The following TIE1 variants were observed in gnomAD, a reference collection of about 807,000 sequenced individuals.
TIE1 encodes tyrosine-protein kinase receptor Tie-1.
Under a neutral mutation model 130.5 loss-of-function variants are expected in TIE1, and 89 were observed. The observed-to-expected ratio is 0.68, with a 90% CI of 0.57 to 0.81. The LOEUF (loss-of-function observed/expected upper bound fraction) is 0.81, where lower values mean the gene tolerates loss of function less well. Among genes scored for constraint, TIE1 ranks in the 40% least tolerant of loss-of-function variants. The pLI is 0.00. For missense variants in TIE1, 1,392 were observed against 1,559.8 expected, an observed-to-expected ratio of 0.89 and a Z score of 1.81; for synonymous variants, 568 against 629.4, an observed-to-expected ratio of 0.90 and a Z score of 1.46.
rs1393630128 is a variant in TIE1, at chr1:43,321,232, G to A, written c.3108-37G>A. ...AGAAGCTAAACTGCTAGGGACCAGG[G>A]CCTAGAAGGTAACTAAGTGCATCCT... On this transcript the variant is annotated intron_variant, in intron 19 of 22. Transcript: ENST00000372476. 11 of 1,612,348 alleles carry A rather than the reference G, an allele frequency of 6.8e-6. No homozygotes were observed. In the South Asian group the frequency reaches 1.1e-4, roughly 16 times the overall value.
intron 19 of TIE1, chr1:43,320,002 C>T (rs1646897975): frequency 9.5e-6 from 2 of 210,710 alleles, no homozygotes; most frequent in South Asian, 1.6e-4. Context: ...CCATCTTGAT[C>T]TGAACCTACC....
rs755908498 is a variant in TIE1 at position 43,317,269 on chromosome 1, A to T, written c.2480A>T (p.Glu827Val). 1 of 1,614,082 alleles carries T rather than the reference A, an allele frequency of 6.2e-7. No individual in the cohort carries two copies. Among genetic ancestry groups the T allele is most frequent in the South Asian group, 1.1e-5 (1 of 91,078 alleles). Reference sequence around the variant, plus strand: ...ACCCGGCGGCCAAAACTGCAGCCCGAGCCCCTGAGCTACCCAGTGCTAGAG... The same window carrying T: ...ACCCGGCGGCCAAAACTGCAGCCCGTGCCCCTGAGCTACCCAGTGCTAGAG... ...TLTRRPKLQPEPLSYPVLEWE... is the reference protein window; with the variant it reads ...TLTRRPKLQPVPLSYPVLEWE... The change falls in exon 15 of 23, where the codon GAG becomes GTG. Residue 827 changes from glutamate (E) to valine (V), a missense_variant. Glu to Val is a moderately radical substitution (Grantham distance 121). Around this residue, in one of 6 missense-constraint regions of TIE1, gnomAD observed 286 missense variants for 354.4 expected, o/e 0.81. Coordinates refer to ENST00000372476, the MANE Select transcript of TIE1 (RefSeq NM_005424.5). The surrounding 1 kb of genome is among the most constrained non-coding windows in gnomAD (Gnocchi z 5.1).
rs117158265 is a variant in TIE1 at position 43,313,473 on chromosome 1, G to A, written c.2218+48G>A. 1,174 of 1,598,896 alleles carry A rather than the reference G, an allele frequency of 7.3e-4. 16 individuals carry two copies. The East Asian group carries it at 0.019, about 25-fold the overall frequency. ...ACCCCCCGGGCTCTGAGCGGGGAGA[G>A]CTCAGCACGCTCTCCTTCCACATCA... On this transcript the variant is annotated intron_variant, in intron 13 of 22. Coordinates refer to ENST00000372476, the MANE Select transcript of TIE1 (RefSeq NM_005424.5). The surrounding 1 kb of genome is among the most constrained non-coding windows in gnomAD (Gnocchi z 6.2).
Position 43,321,385 on chromosome 1 carries a change from C to G in TIE1, c.3149-11C>G, listed in dbSNP as rs749758657. On this transcript the variant is annotated splice_polypyrimidine_tract_variant and intron_variant, in intron 20 of 22. Coordinates refer to ENST00000372476, the MANE Select transcript of TIE1 (RefSeq NM_005424.5). ...AGCCCTGGACCGAGAGCACTTTGTCCCCTCCTGCAGGAGGTACACCCTACT... is the reference window on the plus strand; with the variant it reads ...AGCCCTGGACCGAGAGCACTTTGTCGCCTCCTGCAGGAGGTACACCCTACT... The G allele has an allele frequency of 5.0e-6, 8 of 1,613,888 alleles. 1 individual carries two copies. The South Asian group carries it at 8.8e-5, about 18-fold the overall frequency.
intron 3 of TIE1, among the ~76,000 whole-genome samples, chr1:43,305,700 ACAT>A (rs2153910430): frequency 6.6e-6 from 1 of 152,302 alleles, no homozygotes; most frequent in East Asian, 1.9e-4. Context: ...AGAACTGGTA[ACAT>A]CATGCCCAAC....
rs1553122798 is a variant in TIE1, at chr1:43,305,049, A to ACCAGGTCACGCTTCGCGGCTTCT, written c.261_283dup (p.Lys95ArgfsTer50). Reference sequence around the variant, plus strand: ...CTGCGCCTGGCGCGCAACGGTTCGCACCAGGTCACGCTTCGCGGCTTCTCC... The same window carrying ACCAGGTCACGCTTCGCGGCTTCT: ...CTGCGCCTGGCGCGCAACGGTTCGCACCAGGTCACGCTTCGCGGCTTCTCCAGGTCACGCTTCGCGGCTTCTCC... On this transcript the variant is annotated frameshift_variant, in exon 2 of 23. Transcript: ENST00000372476. LOFTEE classifies it high-confidence loss of function. The ACCAGGTCACGCTTCGCGGCTTCT allele has an allele frequency of 1.9e-6, 3 of 1,604,320 alleles. No individual in the cohort carries two copies. The highest frequency in any genetic ancestry group is 1.3e-5 in the African/African-American group (1 of 74,646).
rs754900650 is a variant in TIE1, at chr1:43,305,018, C to T, written c.226C>T (p.Pro76Ser). 6.4e-7 allele frequency: 1 copy of T among 1,563,176 alleles called. No individual in the cohort carries two copies. The highest frequency in any genetic ancestry group is 8.7e-7 in the Non-Finnish European group (1 of 1,152,652). The change falls in exon 2 of 23, where the codon CCA (proline) becomes TCA (serine). Residue 76 changes from proline to serine, a missense_variant. Transcript: ENST00000372476. ...DDRIVRTPPG[P>S]PLRLARNGSH... ...CCGTATCGTGCGCACCCCGCCCGGG[C>T]CACCCCTGCGCCTGGCGCGCAACGG...
At position 43,315,709 on chromosome 1, in the gene TIE1, G is replaced by GAACAA. The variant is rs1646852134; in HGVS notation, c.2410-1490_2410-1489insAACAA. 6.6e-6 allele frequency among the ~76,000 whole-genome samples: 1 copy of GAACAA among 152,134 alleles called. No homozygotes were observed. Among genetic ancestry groups the GAACAA allele is most frequent in the Non-Finnish European group, 1.5e-5 (1 of 68,016 alleles). On this transcript the variant is annotated intron_variant, in intron 14 of 22. Coordinates refer to ENST00000372476, the MANE Select transcript of TIE1 (RefSeq NM_005424.5). This position sits in a 1 kb window ranked among gnomAD's most constrained non-coding sequence, Gnocchi z 4.4. ...AATTGGCTTCTTTGTTCCAAGCTGTGTTGGCTCTTCCTCTGAGGTCAGTGC... is the reference window on the plus strand; with the variant it reads ...AATTGGCTTCTTTGTTCCAAGCTGTGAACAATTGGCTCTTCCTCTGAGGTCAGTGC...
chr1:43,313,134 G>A lies in TIE1; in HGVS notation c.1928-1G>A. The A allele has an allele frequency of 6.3e-7, 1 of 1,598,682 alleles. No homozygotes were observed. Among genetic ancestry groups the A allele is most frequent in the South Asian group, 1.1e-5 (1 of 87,988 alleles). On this transcript the variant is annotated splice_acceptor_variant, in intron 12 of 22. Transcript: ENST00000372476. LOFTEE classifies it high-confidence loss of function. This position sits in a 1 kb window ranked among gnomAD's most constrained non-coding sequence, Gnocchi z 6.2. ...CTTGCCTTCCCCCACCATCTCCCCAGGGCCTCCAGCCCCCCGACACCTCCA... is the reference window on the plus strand; with the variant it reads ...CTTGCCTTCCCCCACCATCTCCCCAAGGCCTCCAGCCCCCCGACACCTCCA...
In TIE1 at chr1:43,312,164, C is replaced by G. The variant is rs199896181; in HGVS notation, c.1630+33C>G. 26 of 1,516,762 alleles carry G rather than the reference C, an allele frequency of 1.7e-5. No homozygotes were observed. In the Admixed American group the frequency reaches 5.6e-4, roughly 32 times the overall value. 94.0% of individuals were successfully genotyped at this position (1,516,762 alleles called of 1,614,324 possible). A position where few individuals can be genotyped will look rare whatever the true frequency, so the allele number is the denominator to read the frequency against. On this transcript the variant is annotated intron_variant, in intron 11 of 22. Transcript: ENST00000372476. This position sits in a 1 kb window ranked among gnomAD's most constrained non-coding sequence, Gnocchi z 5.6. ...GCCAAGAGTCATCCCTTCCTGTCCC[C>G]CCAAGGGTTACTTTCCCGTCGACCC...
intron 1 of TIE1, 40 bp downstream of exon 1, chr1:43,301,169 C>A: frequency 1.3e-6 from 2 of 1,594,418 alleles, no homozygotes; most frequent in Non-Finnish European, 1.7e-6. Flanking sequence ...TTCTAGGCCC[C>A]GAGGCCCTGA....
chr1:43,307,496 G>T lies in TIE1; in HGVS notation c.837G>T (p.Arg279=). Residue 279 remains arginine (R), a synonymous_variant, in exon 6 of 23, where the codon CGG becomes CGT. Transcript: ENST00000372476. The surrounding 1 kb of genome is among the most constrained non-coding windows in gnomAD (Gnocchi z 5.4). ...AGTGCCCAGGCATATCAGGCTGCCG[G>T]GGCCTCACCTTCTGCCTCCCAGACC... ...QEQCPGISGC[R]GLTFCLPDPY... 1 of 1,614,176 alleles carries T rather than the reference G, an allele frequency of 6.2e-7. No homozygotes were observed. Among genetic ancestry groups the T allele is most frequent in the Non-Finnish European group, 8.5e-7 (1 of 1,180,020 alleles).
Position 43,318,034 on chromosome 1 carries a change from G to C in TIE1, c.2884G>C (p.Asp962His). Residue 962 changes from aspartate to histidine, a missense_variant, in exon 17 of 23, where the codon GAT (aspartate) becomes CAT (histidine). Around this residue, in one of 6 missense-constraint regions of TIE1, gnomAD observed 286 missense variants for 354.4 expected, o/e 0.81. Transcript: ENST00000372476. The surrounding 1 kb of genome is among the most constrained non-coding windows in gnomAD (Gnocchi z 4.4). ...SSRQLLRFAS[D>H]AANGMQYLSE... ...CCGGCAGCTGCTGCGTTTCGCCAGT[G>C]ATGCGGCCAATGGCATGCAGTACCT... The C allele has an allele frequency of 1.3e-6, 2 of 1,581,932 alleles. No individual in the cohort carries two copies. The highest frequency in any genetic ancestry group is 1.2e-5 in the South Asian group (1 of 84,846).
rs113857721 is a variant in TIE1 at position 43,317,879 on chromosome 1, C to T, written c.2732-3C>T. 1 of 1,613,614 alleles carries T rather than the reference C, an allele frequency of 6.2e-7. No homozygotes were observed. Among genetic ancestry groups the T allele is most frequent in the East Asian group, 2.2e-5 (1 of 44,888 alleles). On this transcript the variant is annotated splice_region_variant and splice_polypyrimidine_tract_variant and intron_variant, in intron 16 of 22. Coordinates refer to ENST00000372476, the MANE Select transcript of TIE1 (RefSeq NM_005424.5). The surrounding 1 kb of genome is among the most constrained non-coding windows in gnomAD (Gnocchi z 5.1). ...CACCACTGTCTGTCTCTTTGCCTCT[C>T]AGGTTACTTGTATATCGCTATTGAA...
At position 43,305,180 on chromosome 1, in the gene TIE1, C is replaced by CG. The variant is rs751929994; in HGVS notation, c.373+21dup. On this transcript the variant is annotated intron_variant, in intron 2 of 22. Coordinates refer to ENST00000372476, the MANE Select transcript of TIE1 (RefSeq NM_005424.5). ...CAGCCCTGGAGGTGAGTTAGGCAGG[C>CG]GGGGGGATGGCGCGGGGAAAACCAG... The CG allele has an allele frequency of 2.9e-5, 46 of 1,613,830 alleles. No individual in the cohort carries two copies. Among genetic ancestry groups the CG allele is most frequent in the South Asian group, 7.7e-5 (7 of 91,062 alleles).
chr1:43,320,242 T>C (rs1557455091), intron 19 of TIE1: 1 of 152,684 alleles, frequency 6.5e-6, no homozygotes, highest in Non-Finnish European at 1.5e-5. Flanking sequence ...GTTGGAACGC[T>C]TGCTCTGCCA....
rs770830365 is a variant in TIE1 at position 43,301,054 on chromosome 1, T to G, written c.-18T>G. On this transcript the variant is annotated 5_prime_UTR_variant, in exon 1 of 23. Transcript: ENST00000372476. ...CAGGCCCAGCTCGTCCTGGCTGGCC[T>G]GGGTCGGCCTCTGGAGTATGGTCTG... is the stretch of plus-strand genomic sequence containing the variant. 4 of 1,613,298 alleles carry G rather than the reference T, an allele frequency of 2.5e-6. No homozygotes were observed. Among genetic ancestry groups the G allele is most frequent in the Non-Finnish European group, 3.4e-6 (4 of 1,179,692 alleles).
rs1214807146 is a variant in TIE1 at position 43,315,619 on chromosome 1, A to G, written c.2410-1580A>G. ...CAGTGAGCCAATATCACGCCACTGC[A>G]CTCCAGCCTGGATGACAGAGTGAGT... On this transcript the variant is annotated intron_variant, in intron 14 of 22. Coordinates refer to ENST00000372476, the MANE Select transcript of TIE1 (RefSeq NM_005424.5). This position sits in a 1 kb window ranked among gnomAD's most constrained non-coding sequence, Gnocchi z 4.4. 6.6e-6 allele frequency among the ~76,000 whole-genome samples: 1 copy of G among 151,808 alleles called. No individual in the cohort carries two copies. The highest frequency in any genetic ancestry group is 1.9e-4 in the East Asian group (1 of 5,154).
Position 43,318,153 on chromosome 1 carries a change from A to T in TIE1, c.2922+81A>T. The T allele has an allele frequency of 6.8e-7, 1 of 1,474,392 alleles. No homozygotes were observed. The highest frequency in any genetic ancestry group is 9.0e-7 in the Non-Finnish European group (1 of 1,108,214). The allele number at this position is 1,474,392 out of a possible 1,614,324, so 91.3% of individuals were successfully genotyped here. On this transcript the variant is annotated intron_variant, in intron 17 of 22. Transcript: ENST00000372476. This position sits in a 1 kb window ranked among gnomAD's most constrained non-coding sequence, Gnocchi z 4.4. ...CAGTGGAAGAAGTCAGCCGGCCCTG[A>T]TTGTATCTGGGGATTGAGGTTCCTG...
Sources: allele counts gnomAD v4.1 joint callset (sites outside exome capture counted in the v4.1 genomes callset), GRCh38; gene constraint gnomAD v4.1.1; regional missense constraint gnomAD v4.1.1; non-coding constraint Gnocchi (gnomAD v3.1); transcripts MANE v1.5; gene names NCBI Gene and HGNC (gene_info 2026-07-23, HGNC 2026-07-21).